SPATS2L: variants seen among roughly 807,000 people sequenced by gnomAD.
SPATS2L encodes the protein SPATS2-like protein.
In SPATS2L, 30 loss-of-function variants were observed where a neutral mutation model predicts 59.6. The ratio of observed to expected loss-of-function variants is 0.50; its 90% CI spans 0.38 to 0.68. The LOEUF is 0.68. Ranked by LOEUF, SPATS2L falls within the 30% of genes least tolerant of loss-of-function variation. The pLI, the probability that SPATS2L is intolerant of heterozygous loss-of-function variation, is 0.00. For missense variants in SPATS2L, 615 were observed against 700.0 expected (o/e 0.88, Z 1.37); for synonymous variants, 252 against 263.5 (o/e 0.96, Z 0.42).
intron 6 of SPATS2L, among the ~76,000 whole-genome samples, chr2:200,432,571 G>C (rs1036761910): frequency 1.2e-4 from 19 of 152,146 alleles, no homozygotes; most frequent in African/African-American, 4.3e-4. Flanking sequence ...GTTTCTCAAT[G>C]CATCATCCAA....
At chr2:200,406,683 C>T (rs562178119) in intron 3 of SPATS2L, among the ~76,000 whole-genome samples, 1 of 152,198 alleles carries the variant, frequency 6.6e-6, no homozygotes, top group Non-Finnish European at 1.5e-5. Flanking sequence ...CTTCATAGCA[C>T]TCACTTAGCA....
chr2:200,319,981 T>G (rs558022977), intron 1 of SPATS2L, among the ~76,000 whole-genome samples: 38 of 152,342 alleles, frequency 2.5e-4, no homozygotes, highest in Admixed American at 2.4e-3. Flanking sequence ...GACTCTTACT[T>G]ATTTATCAAT....
chr2:200,369,402 G>A (rs528797915), intron 2 of SPATS2L, among the ~76,000 whole-genome samples: 10 of 152,118 alleles, frequency 6.6e-5, no homozygotes, highest in African/African-American at 2.2e-4. Context: ...TAAGTGATCC[G>A]CCCACCTTGG....
At chr2:200,446,449 A>C (rs879374321) in intron 8 of SPATS2L, among the ~76,000 whole-genome samples, 12 of 152,300 alleles carry the variant, frequency 7.9e-5, no homozygotes, top group Non-Finnish European at 1.5e-4. Context: ...TCAATGGGAC[A>C]ATTTTGCCCC....
At chr2:200,329,596 G>C in intron 2 of SPATS2L, 116 bp downstream of exon 2, 2 of 821,130 alleles carry the variant, frequency 2.4e-6, no homozygotes, top group South Asian at 3.1e-5. Context: ...CGCCTCTGCT[G>C]CCTCTCAGGG....
intron 3 of SPATS2L, among the ~76,000 whole-genome samples, chr2:200,398,151 C>T (rs2082414699): frequency 6.6e-6 from 1 of 152,182 alleles, no homozygotes; most frequent in South Asian, 2.1e-4. Flanking sequence ...AACTAGCAAC[C>T]TCCTGGGGGG....
At chr2:200,382,766 G>A (rs1189496409) in intron 2 of SPATS2L, among the ~76,000 whole-genome samples, 2 of 152,118 alleles carry the variant, frequency 1.3e-5, no homozygotes, top group African/African-American at 4.8e-5. Context: ...GTAGGGTTGT[G>A]ACGGTAAAAT....
chr2:200,376,522 T>C (rs1287886315), intron 2 of SPATS2L, among the ~76,000 whole-genome samples: 2 of 152,226 alleles, frequency 1.3e-5, no homozygotes, highest in African/African-American at 2.4e-5. Context: ...GCTCCAAGGC[T>C]TTATTTGAAC....
At chr2:200,329,141 T>C (rs2079851605) in intron 1 of SPATS2L, among the ~76,000 whole-genome samples, 1 of 152,246 alleles carries the variant, frequency 6.6e-6, no homozygotes, top group South Asian at 2.1e-4. Context: ...TATTTCACTA[T>C]TATATGTTAG....
rs1166859099 is a variant in SPATS2L at position 200,480,204 on chromosome 2, G to A, written c.*2173G>A. The A allele has an allele frequency of 6.5e-6, 1 of 153,984 alleles. No homozygotes were observed. Among genetic ancestry groups the A allele is most frequent in the Non-Finnish European group, 1.4e-5 (1 of 69,398 alleles). The allele number at this position is 153,984 out of a possible 1,614,324, so 9.5% of individuals were successfully genotyped here. A position where few individuals can be genotyped will look rare whatever the true frequency, so the allele number is the denominator to read the frequency against. ...GTTGAACCCAACCACTCTTGACCTC[G>A]ACTCACTCCCTTAGGGTTAAGAAAG... On this transcript the variant is annotated 3_prime_UTR_variant, in exon 13 of 13. Transcript: ENST00000409140.
Position 200,479,196 on chromosome 2 carries a change from C to T in SPATS2L, c.*1165C>T, listed in dbSNP as rs2087721086. 2 of 185,050 alleles carry T rather than the reference C, an allele frequency of 1.1e-5. No homozygotes were observed. Among genetic ancestry groups the T allele is most frequent in the African/African-American group, 4.6e-5 (2 of 43,014 alleles). 11.5% of individuals were successfully genotyped at this position (185,050 alleles called of 1,614,324 possible). ...GGAATTACAGGCATGAGCCACCGTA[C>T]CCGGCCAGCTCCCATCTCTTAATTA... On this transcript the variant is annotated 3_prime_UTR_variant, in exon 13 of 13. Coordinates refer to ENST00000409140, the MANE Select transcript of SPATS2L (RefSeq NM_001100423.2).
At chr2:200,408,782 A>G (rs2082774508) in intron 3 of SPATS2L, among the ~76,000 whole-genome samples, 1 of 152,268 alleles carries the variant, frequency 6.6e-6, no homozygotes, top group South Asian at 2.1e-4. Flanking sequence ...CTGAGGCGCC[A>G]TGGGGCAGAG....
intron 9 of SPATS2L, chr2:200,460,744 C>G (rs994551983): frequency 2.0e-5 from 3 of 151,182 alleles, no homozygotes; most frequent in Non-Finnish European, 4.4e-5. Flanking sequence ...GAGCAAGACT[C>G]CATCTCAAAA....
At chr2:200,389,774 T>G (rs571681572) in intron 3 of SPATS2L, 2 of 153,296 alleles carry the variant, frequency 1.3e-5, no homozygotes, top group Admixed American at 6.5e-5. Flanking sequence ...CTTTGAAGTT[T>G]CTTTCAACGC....
intron 2 of SPATS2L, among the ~76,000 whole-genome samples, chr2:200,342,960 A>G (rs2080382517): frequency 6.6e-6 from 1 of 152,250 alleles, no homozygotes; most frequent in Non-Finnish European, 1.5e-5. Context: ...AAATGAATAA[A>G]TAAAAAAATT....
At chr2:200,381,869 A>G (rs1318055137) in intron 2 of SPATS2L, among the ~76,000 whole-genome samples, 2 of 152,184 alleles carry the variant, frequency 1.3e-5, no homozygotes. Flanking sequence ...AGGTACACAG[A>G]CACTTTAATT....
At chr2:200,331,616 G>A (rs1368740299) in intron 2 of SPATS2L, among the ~76,000 whole-genome samples, 2 of 152,178 alleles carry the variant, frequency 1.3e-5, no homozygotes, top group African/African-American at 2.4e-5. Flanking sequence ...CTACTTAACA[G>A]CAGTGGGACC....
At chr2:200,330,882 T>A (rs1259718660) in intron 2 of SPATS2L, among the ~76,000 whole-genome samples, 2 of 152,242 alleles carry the variant, frequency 1.3e-5, no homozygotes, top group Non-Finnish European at 2.9e-5. Flanking sequence ...GTTGGAACGC[T>A]ACTTGTACTG....
Position 200,450,520 on chromosome 2 carries a change from C to T in SPATS2L, c.789-9249C>T, listed in dbSNP as rs114038467. Among the ~76,000 whole-genome samples, 607 of 152,318 alleles carry T rather than the reference C, an allele frequency of 4.0e-3. 3 individuals are homozygous for T. Among genetic ancestry groups the T allele is most frequent in the African/African-American group, 0.014 (580 of 41,570 alleles). On this transcript the variant is annotated intron_variant, in intron 8 of 12. Coordinates refer to ENST00000409140, the MANE Select transcript of SPATS2L (RefSeq NM_001100423.2). ...CCCCTTTCTTGTCTTGCCATGCCTT[C>T]GCTACCTCTCTCTTCCCCTTTCTTC...
Sources: allele counts gnomAD v4.1 joint callset (sites outside exome capture counted in the v4.1 genomes callset), GRCh38; gene constraint gnomAD v4.1.1; transcripts MANE v1.5; gene names NCBI Gene and HGNC (gene_info 2026-07-23, HGNC 2026-07-21).